Variants in SAMD4A observed in about 807,000 individuals in gnomAD.
The protein encoded by SAMD4A is protein Smaug homolog 1.
A neutral mutation model predicts 81.3 loss-of-function variants in SAMD4A; 33 were observed. That is an observed-to-expected ratio of 0.41 (90% CI 0.31 to 0.54). The LOEUF (loss-of-function observed/expected upper bound fraction) is 0.54, where lower values mean the gene tolerates loss of function less well. Ranked by LOEUF, SAMD4A falls within the 20% of genes least tolerant of loss-of-function variation. The probability of loss-of-function intolerance (pLI) is 0.37; values close to 1 mark genes in which losing one functional copy is unlikely to be tolerated. For missense variants in SAMD4A, 854 were observed against 951.1 expected, an observed-to-expected ratio of 0.90 and a Z score of 1.34; for synonymous variants, 389 against 382.1, an observed-to-expected ratio of 1.02 and a Z score of -0.21.
chr14:54,700,277 T>C (rs768914112), intron 2 of SAMD4A, among the ~76,000 whole-genome samples: 13 of 152,112 alleles, frequency 8.5e-5, no homozygotes, highest in African/African-American at 2.4e-4. Context: ...GAGAAGGTAT[T>C]TGGGGCTCAG....
At chr14:54,727,213 G>T (rs1380784064) in intron 3 of SAMD4A, among the ~76,000 whole-genome samples, 2 of 72,304 alleles carry the variant, frequency 2.8e-5, no homozygotes, top group Non-Finnish European at 2.7e-5. Context: ...TTTTTGAGGT[G>T]GAGTCTCACT....
intron 2 of SAMD4A, among the ~76,000 whole-genome samples, chr14:54,646,424 C>T (rs576007926): frequency 3.3e-5 from 5 of 152,326 alleles, no homozygotes; most frequent in African/African-American, 4.8e-5. Flanking sequence ...TGGTGGGCCC[C>T]GCCCTCAGAG....
chr14:54,734,190 C>T (rs561886792), intron 3 of SAMD4A, among the ~76,000 whole-genome samples: 2 of 152,346 alleles, frequency 1.3e-5, no homozygotes, highest in Admixed American at 1.3e-4. Context: ...GAATACAAGC[C>T]TGTACTGCCT....
At chr14:54,615,897 T>C (rs779303524) in intron 2 of SAMD4A, among the ~76,000 whole-genome samples, 8 of 151,274 alleles carry the variant, frequency 5.3e-5, no homozygotes, top group African/African-American at 9.7e-5. Flanking sequence ...TCCCCCCCGA[T>C]AGAAGACAGA....
intron 2 of SAMD4A, chr14:54,687,335 C>T (rs11626473): frequency 0.35 from 161,769 of 456,020 alleles, 32,643 homozygotes; most frequent in Non-Finnish European, 0.44. Context: ...CTTGGCATCT[C>T]GGGGAGGACC....
At position 54,751,480 on chromosome 14, in the gene SAMD4A, T is replaced by C; in HGVS notation, c.1119T>C (p.Ile373=). 6.2e-7 allele frequency: 1 copy of C among 1,606,804 alleles called. No homozygotes were observed. ...QNVTKGARHK[I]VISIQKLKER... The stretch of plus-strand genomic sequence containing the variant: ...TTACCAAAGGTGCAAGACACAAAAT[T>C]GTCATCAGTATTCAGAAGCTCAAAG... The change falls in exon 6 of 13, where the codon ATT becomes ATC. Residue 373 remains isoleucine, a synonymous_variant. Coordinates refer to ENST00000554335, the MANE Select transcript of SAMD4A (RefSeq NM_015589.6).
chr14:54,770,202 A>G lies in SAMD4A; in HGVS notation c.1695A>G (p.Ser565=). 6.2e-7 allele frequency: 1 copy of G among 1,611,302 alleles called. No homozygotes were observed. Among genetic ancestry groups the G allele is most frequent in the South Asian group, 1.1e-5 (1 of 90,988 alleles). ...SFPRKTLLDI[S]GYRQQRNRGF... ...CTCGGAAAACCCTTCTAGACATATC[A>G]GGATATCGACAGCAAAGAAAGTATG... Residue 565 remains serine, a synonymous_variant, in exon 9 of 13, where the codon TCA becomes TCG. Coordinates refer to ENST00000554335, the MANE Select transcript of SAMD4A (RefSeq NM_015589.6).
At chr14:54,619,585 T>C (rs2034567547) in intron 2 of SAMD4A, among the ~76,000 whole-genome samples, 1 of 152,204 alleles carries the variant, frequency 6.6e-6, no homozygotes, top group Admixed American at 6.5e-5. Flanking sequence ...CAGGGGTACA[T>C]GTGCAGGTTT....
At chr14:54,780,159 G>A (rs1311233619) in intron 11 of SAMD4A, among the ~76,000 whole-genome samples, 1 of 152,154 alleles carries the variant, frequency 6.6e-6, no homozygotes, top group Non-Finnish European at 1.5e-5. Flanking sequence ...AAAACCTTCA[G>A]AAGGGTAGGC....
At chr14:54,684,899 C>T (rs545061512) in intron 2 of SAMD4A, among the ~76,000 whole-genome samples, 5 of 152,164 alleles carry the variant, frequency 3.3e-5, no homozygotes, top group South Asian at 2.1e-4. Context: ...AGAAGCTGAG[C>T]GCAGTCCACC....
intron 2 of SAMD4A, among the ~76,000 whole-genome samples, chr14:54,576,930 G>A (rs971579810): frequency 2.0e-5 from 3 of 152,208 alleles, no homozygotes; most frequent in African/African-American, 7.2e-5. Flanking sequence ...GACTTAGCCT[G>A]GGGTCCCCAA....
At chr14:54,594,994 T>G (rs924714008) in intron 2 of SAMD4A, among the ~76,000 whole-genome samples, 2 of 152,234 alleles carry the variant, frequency 1.3e-5, no homozygotes, top group African/African-American at 4.8e-5. Flanking sequence ...ATTTTTGCAA[T>G]GTGAAATCCC....
In SAMD4A at chr14:54,748,854, A is replaced by G; in HGVS notation, c.1019A>G (p.Tyr340Cys). The G allele has an allele frequency of 6.4e-7, 1 of 1,555,208 alleles. No homozygotes were observed. Among genetic ancestry groups the G allele is most frequent in the Non-Finnish European group, 8.7e-7 (1 of 1,148,558 alleles). The part of the protein sequence containing the change: ...AWLKSLRLHK[Y>C]AALFSQMTYE... ...CTGAAAAGCCTCCGCCTGCACAAAT[A>G]TGCCGCGCTTTTCTCCCAGATGACC... The change falls in exon 5 of 13, where the codon TAT becomes TGT. Residue 340 changes from tyrosine to cysteine, a missense_variant. By Grantham distance (194) the Tyr-to-Cys change is radical. Around this residue, in one of 3 missense-constraint regions of SAMD4A, gnomAD observed 39 missense variants for 74.1 expected, o/e 0.53. Coordinates refer to ENST00000554335, the MANE Select transcript of SAMD4A (RefSeq NM_015589.6).
At chr14:54,776,609 G>C in intron 11 of SAMD4A, 69 bp downstream of exon 11, 1 of 1,423,840 alleles carries the variant, frequency 7.0e-7, no homozygotes, top group Non-Finnish European at 9.2e-7. Context: ...AGCAAACCCA[G>C]CCAGAAAGTG....
intron 4 of SAMD4A, among the ~76,000 whole-genome samples, chr14:54,740,570 C>T (rs931350352): frequency 5.9e-5 from 9 of 152,226 alleles, no homozygotes; most frequent in African/African-American, 2.2e-4. Context: ...CTGTGGTAAT[C>T]ATCCATTCCT....
chr14:54,660,344 G>A (rs927102383), intron 2 of SAMD4A, among the ~76,000 whole-genome samples: 3 of 152,192 alleles, frequency 2.0e-5, no homozygotes, highest in Non-Finnish European at 4.4e-5. Context: ...ATGGGCCAGG[G>A]ACATAAGCCA....
At chr14:54,669,106 G>A (rs1260710486) in intron 2 of SAMD4A, among the ~76,000 whole-genome samples, 11 of 152,208 alleles carry the variant, frequency 7.2e-5, no homozygotes, top group African/African-American at 2.2e-4. Flanking sequence ...AGAAGGAGGC[G>A]CAGCCACAGG....
At chr14:54,746,322 G>A (rs1594890128) in intron 4 of SAMD4A, among the ~76,000 whole-genome samples, 1 of 152,270 alleles carries the variant, frequency 6.6e-6, no homozygotes, top group South Asian at 2.1e-4. Context: ...CAGTGTCCGT[G>A]CGTACCTGCC....
At chr14:54,566,271 G>A (rs2032929211), upstream of SAMD4A, among the ~76,000 whole-genome samples, 1 of 151,284 alleles carries the variant, frequency 6.6e-6, no homozygotes, top group African/African-American at 2.4e-5. Context: ...CCCCGGACCC[G>A]CGCAAGGGCC....
Sources: allele counts gnomAD v4.1 joint callset (sites outside exome capture counted in the v4.1 genomes callset), GRCh38; gene constraint gnomAD v4.1.1; regional missense constraint gnomAD v4.1.1; transcripts MANE v1.5; gene names NCBI Gene and HGNC (gene_info 2026-07-23, HGNC 2026-07-21).